Variants in VAC14 observed in about 807,000 individuals in gnomAD.
The protein encoded by VAC14 is VAC14 component of PIKFYVE complex, also known as protein VAC14 homolog.
A neutral mutation model predicts 85.3 loss-of-function variants in VAC14; 47 were observed. That is an observed-to-expected ratio of 0.55 (90% CI 0.44 to 0.70). The LOEUF is 0.70. Ranked by LOEUF, VAC14 falls within the 30% of genes least tolerant of loss-of-function variation. The pLI is 0.00. For missense variants in VAC14, 861 were observed against 1,004.3 expected (o/e 0.86, Z 1.93); for synonymous variants, 447 against 430.5 (o/e 1.04, Z -0.47).
At chr16:70,759,825 G>C (rs2032174020) in intron 12 of VAC14, among the ~76,000 whole-genome samples, 1 of 152,114 alleles carries the variant, frequency 6.6e-6, no homozygotes, top group Non-Finnish European at 1.5e-5. Context: ...AGCATGCTGG[G>C]TGAGACTCAG....
intron 17 of VAC14, among the ~76,000 whole-genome samples, chr16:70,694,309 T>G (rs2053662118): frequency 6.6e-6 from 1 of 152,176 alleles, no homozygotes. Flanking sequence ...CAGGGTCTTT[T>G]TAGGATCTGA....
intron 9 of VAC14, among the ~76,000 whole-genome samples, chr16:70,780,018 A>ATTTTT (rs368861697): frequency 8.9e-6 from 1 of 111,884 alleles, no homozygotes; most frequent in Admixed American, 9.0e-5. Context: ...AATTTTTGTA[A>ATTTTT]TTTTTTTTTT....
rs1013558122 is a variant in VAC14 at position 70,784,004 on chromosome 16, C to T, written c.594+109G>A. 6 of 863,770 alleles carry T rather than the reference C, an allele frequency of 6.9e-6. No homozygotes were observed. In the African/African-American group the frequency reaches 1.0e-4, roughly 14 times the overall value. The allele number at this position is 863,770 out of a possible 1,614,324, so 53.5% of individuals were successfully genotyped here. A position where few individuals can be genotyped will look rare whatever the true frequency, so the allele number is the denominator to read the frequency against. ...GAATTATCAGGTGTTAATGGCTATT[C>T]AAGGGAGAACATGGAGGGTTCCTAT... On this transcript the variant is annotated intron_variant, in intron 5 of 18. Transcript: ENST00000261776.
At chr16:70,748,283 G>C (rs2143015603) in intron 12 of VAC14, among the ~76,000 whole-genome samples, 1 of 152,314 alleles carries the variant, frequency 6.6e-6, no homozygotes, top group East Asian at 1.9e-4. Context: ...TCCTGTGCTG[G>C]GTATAAGAGA....
At chr16:70,784,371 T>G (rs1027247266) in intron 4 of VAC14, 151 bp from the exon 5 acceptor site, 1 of 641,942 alleles carries the variant, frequency 1.6e-6, no homozygotes, top group African/African-American at 1.8e-5. Flanking sequence ...CTCTGGAGTA[T>G]TCATCCTGTC....
intron 12 of VAC14, chr16:70,747,090 T>C (rs2030959155): frequency 6.6e-6 from 1 of 152,164 alleles, no homozygotes; most frequent in Admixed American, 6.5e-5. Flanking sequence ...CCAAAGGCCC[T>C]GCAGTGGAGA....
intron 13 of VAC14, among the ~76,000 whole-genome samples, chr16:70,738,832 C>A (rs1056297449): frequency 2.6e-5 from 4 of 152,206 alleles, no homozygotes; most frequent in Non-Finnish European, 5.9e-5. Flanking sequence ...GCTATTCAAA[C>A]TGAGCTGATG....
chr16:70,731,776 C>T, intron 13 of VAC14, 149 bp from the exon 14 acceptor site: 1 of 911,564 alleles, frequency 1.1e-6, no homozygotes, highest in Non-Finnish European at 1.6e-6. Flanking sequence ...TAATCAAGAG[C>T]CATGGAGCAA....
chr16:70,774,082 T>C (rs1277730638), intron 9 of VAC14, among the ~76,000 whole-genome samples: 2 of 152,058 alleles, frequency 1.3e-5, no homozygotes, highest in Admixed American at 6.6e-5. Context: ...GCTCCATAGT[T>C]CAATGATCAA....
At chr16:70,725,011 C>T (rs891288033) in intron 14 of VAC14, among the ~76,000 whole-genome samples, 95 of 152,356 alleles carry the variant, frequency 6.2e-4, no homozygotes, top group African/African-American at 1.9e-3. Flanking sequence ...AACAAATGAA[C>T]GCAATCCATT....
At chr16:70,733,555 G>A (rs886349422) in intron 13 of VAC14, among the ~76,000 whole-genome samples, 35 of 152,010 alleles carry the variant, frequency 2.3e-4, no homozygotes, top group Non-Finnish European at 7.4e-5. Flanking sequence ...TCTCATGAAT[G>A]GGTTAGCACC....
At chr16:70,778,801 A>G (rs2033655144) in intron 9 of VAC14, 1 of 152,248 alleles carries the variant, frequency 6.6e-6, no homozygotes, top group African/African-American at 2.4e-5. Flanking sequence ...TCTTGGGGAT[A>G]GTCTTGTTTC....
chr16:70,702,195 G>A (rs942666822), intron 14 of VAC14, among the ~76,000 whole-genome samples: 2 of 152,190 alleles, frequency 1.3e-5, no homozygotes, highest in South Asian at 2.1e-4. Context: ...TGTGGAAAAC[G>A]GCAGTCTGAT....
chr16:70,698,729 C>T lies in VAC14; in HGVS notation c.1744G>A (p.Ala582Thr), dbSNP rs749094914. Residue 582 changes from alanine to threonine, a missense_variant, in exon 15 of 19, where the codon GCC (alanine) becomes ACC (threonine). By Grantham distance (58) the Ala-to-Thr change is moderately conservative. This residue lies in a region of VAC14 where 69 missense variants were observed against 139.0 expected (regional missense o/e 0.50). Coordinates refer to ENST00000261776, the MANE Select transcript of VAC14 (RefSeq NM_018052.5). ...TTGAGGGCGTGGACCATGGTCGAGG[C>T]GAACTTGAGGTCCTCCTCCCGCAGC... Reference protein sequence around the residue: ...ILLREEDLKFASTMVHALNTI... With the variant: ...ILLREEDLKFTSTMVHALNTI... The T allele has an allele frequency of 1.9e-6, 3 of 1,614,166 alleles. No individual in the cohort carries two copies. Among genetic ancestry groups the T allele is most frequent in the Non-Finnish European group, 8.5e-7 (1 of 1,180,010 alleles).
chr16:70,738,761 T>C (rs777406093), intron 13 of VAC14, among the ~76,000 whole-genome samples: 2 of 152,234 alleles, frequency 1.3e-5, no homozygotes, highest in Non-Finnish European at 2.9e-5. Context: ...TGACCCTTAC[T>C]GGGCACCTGG....
At chr16:70,772,363 G>T in intron 9 of VAC14, 191 bp from the exon 10 acceptor site, 2 of 566,286 alleles carry the variant, frequency 3.5e-6, no homozygotes, top group East Asian at 2.9e-5. Flanking sequence ...CCCCAAGCTT[G>T]TAAGTCTGTA....
chr16:70,705,373 G>T (rs2053901634), intron 14 of VAC14, among the ~76,000 whole-genome samples: 1 of 152,254 alleles, frequency 6.6e-6, no homozygotes, highest in Non-Finnish European at 1.5e-5. Context: ...GCACTGGCCT[G>T]CAGGGCCCTT....
chr16:70,775,390 A>G (rs1214961619), intron 9 of VAC14, among the ~76,000 whole-genome samples: 2 of 152,304 alleles, frequency 1.3e-5, no homozygotes, highest in East Asian at 3.9e-4. Context: ...TTATTTTGTA[A>G]ACATAAACGG....
chr16:70,798,987 A>G (rs1297117273), intron 1 of VAC14, among the ~76,000 whole-genome samples: 2 of 152,234 alleles, frequency 1.3e-5, no homozygotes, highest in Non-Finnish European at 2.9e-5. Context: ...TCCACAAATC[A>G]AGGGCAATGT....
Sources: allele counts gnomAD v4.1 joint callset (sites outside exome capture counted in the v4.1 genomes callset), GRCh38; gene constraint gnomAD v4.1.1; regional missense constraint gnomAD v4.1.1; transcripts MANE v1.5; gene names NCBI Gene and HGNC (gene_info 2026-07-23, HGNC 2026-07-21).